Variants in KANK3 observed in about 807,000 individuals in gnomAD.
KANK3 encodes the protein KN motif and ankyrin repeat domain-containing protein 3.
Under a neutral mutation model 65.4 loss-of-function variants are expected in KANK3, and 61 were observed. The ratio of observed to expected loss-of-function variants is 0.93; its 90% CI spans 0.76 to 1.15. KANK3 has a LOEUF of 1.15. Among genes scored for constraint, KANK3 ranks in the 50% most tolerant of loss-of-function variants. The probability of loss-of-function intolerance (pLI) is 0.00; values close to 1 mark genes in which losing one functional copy is unlikely to be tolerated. For synonymous variants in KANK3, 586 were observed against 543.3 expected, an observed-to-expected ratio of 1.08 and a Z score of -1.09; for missense variants, 1,187 against 1,178.8, an observed-to-expected ratio of 1.01 and a Z score of -0.10.
chr19:8,332,564 A>T (rs927765573), intron 7 of KANK3, among the ~76,000 whole-genome samples: 3 of 150,360 alleles, frequency 2.0e-5, no homozygotes, highest in African/African-American at 7.3e-5. Flanking sequence ...CAGGCCTGTA[A>T]TCCCAGCACT....
chr19:8,328,164 G>A (rs1419094537), intron 7 of KANK3, among the ~76,000 whole-genome samples: 3 of 151,986 alleles, frequency 2.0e-5, no homozygotes, highest in African/African-American at 4.8e-5. Context: ...TGTAATCCCC[G>A]CTACTTGGGA....
At position 8,334,848 on chromosome 19, in the gene KANK3, C is replaced by T. The variant is rs1186747359; in HGVS notation, c.979G>A (p.Val327Met). Residue 327 changes from valine (V) to methionine (M), a missense_variant, in exon 3 of 11, where the codon GTG becomes ATG. Val to Met is a conservative substitution (Grantham distance 21). This residue lies in a region of KANK3 where 1,078 missense variants were observed against 1,038.2 expected (regional missense o/e 1.04). Coordinates refer to ENST00000330915, the MANE Select transcript of KANK3 (RefSeq NM_198471.3). ...QAVPETREAG[V>M]EAAPETVEAD... ...TCCACGGTCTCGGGGGCAGCCTCCA[C>T]GCCGGCCTCCCGGGTCTCCGGCACG... 16 of 1,469,766 alleles carry T rather than the reference C, an allele frequency of 1.1e-5. No homozygotes were observed. The highest frequency in any genetic ancestry group is 1.4e-5 in the Non-Finnish European group (16 of 1,119,964). The allele number at this position is 1,469,766 out of a possible 1,614,324, so 91.0% of individuals were successfully genotyped here. A position where few individuals can be genotyped will look rare whatever the true frequency, so the allele number is the denominator to read the frequency against.
chr19:8,330,904 A>G (rs911123775), intron 7 of KANK3, among the ~76,000 whole-genome samples: 1 of 151,526 alleles, frequency 6.6e-6, no homozygotes, highest in African/African-American at 2.4e-5. Flanking sequence ...ATCTGTTCGA[A>G]AAAACAAACA....
chr19:8,337,761 A>T (rs2913958), intron 2 of KANK3, 34 bp downstream of exon 2: 316,715 of 1,565,144 alleles, frequency 0.2, 33,108 homozygotes, highest in Non-Finnish European at 0.23. Flanking sequence ...GTGCATGCGC[A>T]CACACACACA....
chr19:8,325,296 C>CTTTTTTTT (rs573315741), intron 7 of KANK3, among the ~76,000 whole-genome samples, 200 bp from the exon 8 acceptor site: 2,106 of 78,582 alleles, frequency 0.027, 315 homozygotes, highest in Non-Finnish European at 0.041. Flanking sequence ...CCTGTTTCAT[C>CTTTTTTTT]TTTTTTTTTT....
At chr19:8,332,841 T>C in intron 7 of KANK3, 173 bp downstream of exon 7, 1 of 358,040 alleles carries the variant, frequency 2.8e-6, no homozygotes, top group African/African-American at 2.1e-5. Flanking sequence ...TAAAATAAAA[T>C]AAAATAAAAT....
intron 1 of KANK3, among the ~76,000 whole-genome samples, chr19:8,342,135 A>G (rs1970729357): frequency 6.6e-6 from 1 of 152,212 alleles, no homozygotes. Context: ...CTGGGATTAC[A>G]GGCACTTGCC....
rs540214773 is a variant in KANK3 at position 8,326,509 on chromosome 19, C to G, written c.1937-1413G>C. ...AAAAAAAAAAAAAAAAAAAAAAAGC[C>G]AGGTGCAGTGGCTCACGCCTTTAAT... On this transcript the variant is annotated intron_variant, in intron 7 of 10. Coordinates refer to ENST00000330915, the MANE Select transcript of KANK3 (RefSeq NM_198471.3). 6.7e-4 allele frequency among the ~76,000 whole-genome samples: 90 copies of G among 134,306 alleles called. 2 individuals carry two copies. In the East Asian group the frequency reaches 0.016, roughly 24 times the overall value. 88.1% of individuals were successfully genotyped at this position (134,306 alleles called of 152,430 possible).
chr19:8,333,863 A>C lies in KANK3; in HGVS notation c.1634+47T>G, dbSNP rs1970576587. The stretch of plus-strand genomic sequence containing the variant: ...TGGATCGGGGACAGCGCCGACCAGG[A>C]GGAGGGCAGCCGCCTCCTCTCCAAA... On this transcript the variant is annotated intron_variant, in intron 5 of 10. Transcript: ENST00000330915. This position sits in a 1 kb window ranked among gnomAD's most constrained non-coding sequence, Gnocchi z 5.0. 6.4e-7 allele frequency: 1 copy of C among 1,551,050 alleles called. No individual in the cohort carries two copies. Among genetic ancestry groups the C allele is most frequent in the Non-Finnish European group, 8.7e-7 (1 of 1,148,586 alleles).
At chr19:8,323,141 G>C (rs999402422) in intron 10 of KANK3, 5 of 400,502 alleles carry the variant, frequency 1.2e-5, no homozygotes, top group Middle Eastern at 6.4e-4. Flanking sequence ...GTTTACAATG[G>C]GTTACATTCC....
At chr19:8,342,282 C>A (rs1276569465) in intron 1 of KANK3, among the ~76,000 whole-genome samples, 2 of 152,166 alleles carry the variant, frequency 1.3e-5, no homozygotes, top group African/African-American at 4.8e-5. Context: ...CATGAACCAC[C>A]AAGGAGCCTC....
intron 4 of KANK3, 27 bp from the exon 5 acceptor site, chr19:8,334,143 T>A: frequency 6.7e-7 from 1 of 1,495,368 alleles, no homozygotes; most frequent in Non-Finnish European, 8.9e-7. Context: ...AGGTGTCTGC[T>A]AAACCTCCCC....
intron 1 of KANK3, among the ~76,000 whole-genome samples, chr19:8,338,590 T>C (rs1449410444): frequency 2.0e-5 from 3 of 151,886 alleles, no homozygotes; most frequent in Non-Finnish European, 2.9e-5. Flanking sequence ...TAAAAACTCA[T>C]CTAGGCTGGG....
rs1486494840 is a variant in KANK3, at chr19:8,333,466, G to A, written c.1720-236C>T. On this transcript the variant is annotated intron_variant, in intron 6 of 10. Transcript: ENST00000330915. The surrounding 1 kb of genome is among the most constrained non-coding windows in gnomAD (Gnocchi z 5.0). ...GTCCTTTCCTTCCAGGGAAGAATTT[G>A]CGGGAGAACATGGAACGGGGAAAGG... is the stretch of plus-strand genomic sequence containing the variant. 6.6e-6 allele frequency among the ~76,000 whole-genome samples: 1 copy of A among 152,196 alleles called. No individual in the cohort carries two copies. The highest frequency in any genetic ancestry group is 1.5e-5 in the Non-Finnish European group (1 of 68,042).
intron 2 of KANK3, among the ~76,000 whole-genome samples, chr19:8,336,198 G>C (rs1970634529): frequency 6.6e-6 from 1 of 152,158 alleles, no homozygotes; most frequent in African/African-American, 2.4e-5. Context: ...CATTTTGGGA[G>C]GCCGGCACAG....
chr19:8,335,417 G>A lies in KANK3; in HGVS notation c.410C>T (p.Thr137Ile), dbSNP rs1259525052. Residue 137 changes from threonine to isoleucine, a missense_variant, in exon 3 of 11, where the codon ACC becomes ATC. Thr to Ile is a moderately conservative substitution (Grantham distance 89). This residue lies in a region of KANK3 where 1,078 missense variants were observed against 1,038.2 expected (regional missense o/e 1.04). Transcript: ENST00000330915. The stretch of plus-strand genomic sequence containing the variant: ...CTGCGCCAGCTCCAGCCGCCGGCTG[G>A]TCTCCCGGAGCGTGTGCTCGACGCG... ...NPRVEHTLRETSRRLELAQTH... is the reference protein window; with the variant it reads ...NPRVEHTLREISRRLELAQTH... 13 of 1,206,696 alleles carry A rather than the reference G, an allele frequency of 1.1e-5. No homozygotes were observed. In the African/African-American group the frequency reaches 1.1e-4, roughly 10 times the overall value. 74.7% of individuals were successfully genotyped at this position (1,206,696 alleles called of 1,614,324 possible).
Position 8,335,650 on chromosome 19 carries a change from G to A in KANK3, c.177C>T (p.Pro59=), listed in dbSNP as rs1465875245. The change falls in exon 3 of 11, where the codon CCC becomes CCT. Residue 59 remains proline, a synonymous_variant. Transcript: ENST00000330915. ...GGGGTCCCGGGGCGCGGCGGGCAGC[G>A]GGGCCACGCTCCAGCTCCTCTATGT... The part of the protein sequence containing the change: ...LKYIEELERG[P]AARRAPGPPT... The A allele has an allele frequency of 4.8e-6, 6 of 1,248,194 alleles. No individual in the cohort carries two copies. Among genetic ancestry groups the A allele is most frequent in the South Asian group, 4.0e-5 (1 of 25,026 alleles). 77.3% of individuals were successfully genotyped at this position (1,248,194 alleles called of 1,614,324 possible). A position where few individuals can be genotyped will look rare whatever the true frequency, so the allele number is the denominator to read the frequency against.
rs759419386 is a variant in KANK3 at position 8,324,960 on chromosome 19, C to T, written c.2073G>A (p.Lys691=). Residue 691 remains lysine (K), a synonymous_variant, in exon 8 of 11, where the codon AAG becomes AAA. Coordinates refer to ENST00000330915, the MANE Select transcript of KANK3 (RefSeq NM_198471.3). ...RLFCMGDVNA[K]ASQTGQTALM... is the part of the protein sequence containing the mutation. ...GGGGGCGCCCACGCACCTGACTGGC[C>T]TTGGCATTGACATCACCCATGCAGA... 1.5e-5 allele frequency: 24 copies of T among 1,613,518 alleles called. No individual in the cohort carries two copies. Among genetic ancestry groups the T allele is most frequent in the Non-Finnish European group, 1.9e-5 (22 of 1,179,826 alleles).
At chr19:8,327,652 AGT>A (rs749136591) in intron 7 of KANK3, among the ~76,000 whole-genome samples, 1 of 151,834 alleles carries the variant, frequency 6.6e-6, no homozygotes, top group Non-Finnish European at 1.5e-5. Flanking sequence ...AAATTAGCTG[AGT>A]GTGGTGGTTC....
Sources: gnomAD v4.1 joint callset for allele counts (sites outside exome capture counted in the v4.1 genomes callset) on GRCh38, gnomAD v4.1.1 for gene constraint, gnomAD v4.1.1 regional missense constraint, Gnocchi (gnomAD v3.1) non-coding constraint, MANE v1.5 for transcripts, NCBI Gene and HGNC (gene_info 2026-07-23, HGNC 2026-07-21) for gene names.